The following PPM1F variants were observed in gnomAD, a reference collection of about 807,000 sequenced individuals.
PPM1F encodes the protein protein phosphatase 1F.
Under a neutral mutation model 35.5 loss-of-function variants are expected in PPM1F, and 17 were observed. The observed-to-expected ratio is 0.48, with a 90% CI of 0.33 to 0.72. The LOEUF is 0.72. Among genes scored for constraint, PPM1F ranks in the 30% least tolerant of loss-of-function variants. The pLI is 0.02. For missense variants in PPM1F, 521 were observed against 613.0 expected, an observed-to-expected ratio of 0.85 and a Z score of 1.59; for synonymous variants, 241 against 255.5, an observed-to-expected ratio of 0.94 and a Z score of 0.54.
chr22:21,934,295 T>C (rs2070632654), intron 3 of PPM1F, 69 bp from the exon 4 acceptor site: 1 of 1,364,120 alleles, frequency 7.3e-7, no homozygotes, highest in Admixed American at 2.1e-5. Flanking sequence ...GCTGGCTCCC[T>C]GACAGCTCCC....
At chr22:21,927,529 G>A (rs915726) in intron 6 of PPM1F, among the ~76,000 whole-genome samples, 34,884 of 152,244 alleles carry the variant, frequency 0.23, 4,330 homozygotes, top group Middle Eastern at 0.33. Context: ...GAGAATGAAC[G>A]GCAATCTGCT....
At chr22:21,926,981 A>G (rs1276566580) in intron 6 of PPM1F, among the ~76,000 whole-genome samples, 1 of 152,154 alleles carries the variant, frequency 6.6e-6, no homozygotes, top group East Asian at 1.9e-4. Flanking sequence ...TGGGAATGAC[A>G]TGGGTTTGCA....
Position 21,921,253 on chromosome 22 carries a change from C to A in PPM1F, c.*1839G>T, listed in dbSNP as rs2070444706. The A allele has an allele frequency of 6.6e-6, 1 of 152,336 alleles. No individual in the cohort carries two copies. Among genetic ancestry groups the A allele is most frequent in the Non-Finnish European group, 1.5e-5 (1 of 68,184 alleles). The allele number at this position is 152,336 out of a possible 1,614,324, so 9.4% of individuals were successfully genotyped here. On this transcript the variant is annotated 3_prime_UTR_variant, in exon 8 of 8. Transcript: ENST00000263212. ...GGTGCTTGGGGCACAGCTGTGCAAA[C>A]CTTCCTGGGGCTCTCGCTGTCTGCA...
chr22:21,939,029 C>A lies in PPM1F; in HGVS notation c.355+503G>T, dbSNP rs2070695239. On this transcript the variant is annotated intron_variant, in intron 3 of 7. Transcript: ENST00000263212. The surrounding 1 kb of genome is among the most constrained non-coding windows in gnomAD (Gnocchi z 5.1). ...GTAGAGCGTCTCCACCCAACAGAAT[C>A]CTGACTTGGGGGCAGCTGAGGCAGG... is the stretch of plus-strand genomic sequence containing the variant. 1 of 160,856 alleles carries A rather than the reference C, an allele frequency of 6.2e-6. No homozygotes were observed. The highest frequency in any genetic ancestry group is 2.4e-5 in the African/African-American group (1 of 41,524). The allele number at this position is 160,856 out of a possible 1,614,324, so 10.0% of individuals were successfully genotyped here.
At chr22:21,931,502 GTTTA>G (rs58214157) in intron 5 of PPM1F, among the ~76,000 whole-genome samples, 1,952 of 151,400 alleles carry the variant, frequency 0.013, 43 homozygotes, top group African/African-American at 0.045. Context: ...CAATAAAGAT[GTTTA>G]TTTATTTATT....
chr22:21,927,340 G>A (rs1416752870), intron 6 of PPM1F, among the ~76,000 whole-genome samples: 3 of 152,224 alleles, frequency 2.0e-5, no homozygotes, highest in Non-Finnish European at 4.4e-5. Flanking sequence ...CAGACGGCGA[G>A]GAGCTGCAGA....
chr22:21,939,503 G>A lies in PPM1F; in HGVS notation c.355+29C>T, dbSNP rs567746924. ...CCTTTGTTGCCTGCTAAGCAGCCCT[G>A]GGGCCACCTCAGAAGAAACAGAACT... On this transcript the variant is annotated intron_variant, in intron 3 of 7. Coordinates refer to ENST00000263212, the MANE Select transcript of PPM1F (RefSeq NM_014634.4). The surrounding 1 kb of genome is among the most constrained non-coding windows in gnomAD (Gnocchi z 5.1). The A allele has an allele frequency of 8.9e-5, 143 of 1,607,050 alleles. No individual in the cohort carries two copies. In the South Asian group the frequency reaches 1.5e-3, roughly 17 times the overall value.
chr22:21,925,474 T>C, intron 7 of PPM1F, 95 bp downstream of exon 7: 1 of 1,010,764 alleles, frequency 9.9e-7, no homozygotes, highest in South Asian at 1.4e-5. Context: ...CCCATCACAC[T>C]GCCTCCCTGA....
rs1250914548 is a variant in PPM1F, at chr22:21,933,272, G to A, written c.747+119C>T. ...CTTTAGAAAAAATGGCAGGACCACCGGCAGTGTTTAGTGAGGACCTTCCAG... is the reference window on the plus strand; with the variant it reads ...CTTTAGAAAAAATGGCAGGACCACCAGCAGTGTTTAGTGAGGACCTTCCAG... On this transcript the variant is annotated intron_variant, in intron 5 of 7. Coordinates refer to ENST00000263212, the MANE Select transcript of PPM1F (RefSeq NM_014634.4). 9 of 922,712 alleles carry A rather than the reference G, an allele frequency of 9.8e-6. No homozygotes were observed. In the Admixed American group the frequency reaches 1.7e-4, roughly 18 times the overall value. The allele number at this position is 922,712 out of a possible 1,614,324, so 57.2% of individuals were successfully genotyped here.
chr22:21,946,093 G>A lies in PPM1F; in HGVS notation c.-45C>T. On this transcript the variant is annotated 5_prime_UTR_variant, in exon 2 of 8. Transcript: ENST00000263212. The stretch of plus-strand genomic sequence containing the variant: ...CCTGCAGCTAGGCCAGGGCAAGAGG[G>A]TCTCCAGGCTTCACCCTGGGGAGAA... 6.9e-7 allele frequency: 1 copy of A among 1,446,644 alleles called. No homozygotes were observed. Among genetic ancestry groups the A allele is most frequent in the Non-Finnish European group, 9.2e-7 (1 of 1,085,806 alleles). 89.6% of individuals were successfully genotyped at this position (1,446,644 alleles called of 1,614,324 possible).
At chr22:21,952,599 C>A (rs2070852368) in intron 1 of PPM1F, 193 bp downstream of exon 1, 1 of 150,616 alleles carries the variant, frequency 6.6e-6, no homozygotes, top group Admixed American at 6.6e-5. Flanking sequence ...GCTCCTCGGC[C>A]CCCCGCACTG....
chr22:21,949,316 G>C (rs1010735889), intron 1 of PPM1F: 1 of 152,214 alleles, frequency 6.6e-6, no homozygotes, highest in African/African-American at 2.4e-5. Context: ...CAAGGGGTGA[G>C]GAGAGAAACC....
chr22:21,940,417 G>A (rs1280347796), intron 2 of PPM1F, among the ~76,000 whole-genome samples: 1 of 151,898 alleles, frequency 6.6e-6, no homozygotes, highest in Non-Finnish European at 1.5e-5. Context: ...AGGTTGCAGT[G>A]AGCCAAGATT....
rs1446908343 is a variant in PPM1F, at chr22:21,921,040, AAT to A, written c.*2050_*2051del. 1 of 152,176 alleles carries A rather than the reference AAT, an allele frequency of 6.6e-6. No homozygotes were observed. Among genetic ancestry groups the A allele is most frequent in the Non-Finnish European group, 1.5e-5 (1 of 67,976 alleles). 9.4% of individuals were successfully genotyped at this position (152,176 alleles called of 1,614,324 possible). A position where few individuals can be genotyped will look rare whatever the true frequency, so the allele number is the denominator to read the frequency against. On this transcript the variant is annotated 3_prime_UTR_variant, in exon 8 of 8. Coordinates refer to ENST00000263212, the MANE Select transcript of PPM1F (RefSeq NM_014634.4). ...ACTATGTTTAAGGTTTTTTTTTGTA[AAT>A]AAGAGACCTTAAGCAATGCATTGAC...
intron 3 of PPM1F, chr22:21,935,766 G>A (rs1417294393): frequency 1.3e-5 from 2 of 152,172 alleles, no homozygotes; most frequent in African/African-American, 4.8e-5. Flanking sequence ...AGAGGTAAAG[G>A]CAGGCAGATC....
chr22:21,927,127 G>C (rs918255249), intron 6 of PPM1F, among the ~76,000 whole-genome samples: 5 of 152,206 alleles, frequency 3.3e-5, no homozygotes, highest in African/African-American at 1.2e-4. Flanking sequence ...GGACCTCAAG[G>C]CTCTCTCTGG....
chr22:21,924,721 C>T (rs1812006966), intron 7 of PPM1F, among the ~76,000 whole-genome samples: 2 of 149,904 alleles, frequency 1.3e-5, no homozygotes, highest in Admixed American at 6.7e-5. Flanking sequence ...AGGCGCGTGC[C>T]ACCACACCTG....
intron 6 of PPM1F, 115 bp downstream of exon 6, chr22:21,931,033 G>T: frequency 6.7e-7 from 1 of 1,499,204 alleles, no homozygotes; most frequent in Non-Finnish European, 8.9e-7. Context: ...CCTCCCTCTT[G>T]AAAGGTGCCA....
intron 1 of PPM1F, 96 bp from the exon 2 acceptor site, chr22:21,946,204 C>T (rs1277564593): frequency 5.2e-6 from 3 of 579,580 alleles, no homozygotes; most frequent in South Asian, 2.6e-5. Flanking sequence ...TGCATGGCCT[C>T]ATGGTTCAGG....
Sources: allele counts gnomAD v4.1 joint callset (sites outside exome capture counted in the v4.1 genomes callset), GRCh38; gene constraint gnomAD v4.1.1; non-coding constraint Gnocchi (gnomAD v3.1); transcripts MANE v1.5; gene names NCBI Gene and HGNC (gene_info 2026-07-23, HGNC 2026-07-21).